The following OSBPL2 variants were observed in gnomAD, a reference collection of about 807,000 sequenced individuals.
The protein encoded by OSBPL2 is oxysterol binding protein like 2.
A neutral mutation model predicts 58.4 loss-of-function variants in OSBPL2; 18 were observed. That is an observed-to-expected ratio of 0.31 (90% CI 0.21 to 0.46). The LOEUF is 0.46. OSBPL2 is among the 20% of genes least tolerant of loss of function. The pLI is 1.00. For missense variants in OSBPL2, 461 were observed against 616.5 expected (o/e 0.75, Z 2.67); for synonymous variants, 221 against 234.1 (o/e 0.94, Z 0.51).
chr20:62,256,138 C>A lies in OSBPL2; in HGVS notation c.-47C>A. On this transcript the variant is annotated 5_prime_UTR_variant, in exon 2 of 14. It introduces an in-frame stop codon into an upstream open reading frame of the 5' UTR. Transcript: ENST00000313733. ...TAGATGTGGATCAGATACGATGATT[C>A]AGTAGAAGAGCACATGTCAGGGGCA... 1 of 1,602,284 alleles carries A rather than the reference C, an allele frequency of 6.2e-7. No homozygotes were observed. Among genetic ancestry groups the A allele is most frequent in the Non-Finnish European group, 8.5e-7 (1 of 1,170,208 alleles).
chr20:62,292,308 G>T (rs576053893), intron 13 of OSBPL2, among the ~76,000 whole-genome samples: 2 of 152,266 alleles, frequency 1.3e-5, no homozygotes, highest in East Asian at 3.9e-4. Context: ...TGGAGGCCAC[G>T]CCTGTCACAC....
At chr20:62,257,235 C>G (rs1334386451) in intron 2 of OSBPL2, among the ~76,000 whole-genome samples, 1 of 152,074 alleles carries the variant, frequency 6.6e-6, no homozygotes, top group Non-Finnish European at 1.5e-5. Flanking sequence ...GGCCACACCC[C>G]GAGGATGTTG....
intron 12 of OSBPL2, chr20:62,291,106 G>A (rs766648505): frequency 1.8e-4 from 30 of 164,922 alleles, no homozygotes; most frequent in Admixed American, 4.4e-4. Context: ...CAAGCGATCC[G>A]CCTGCTTCAG....
intron 1 of OSBPL2, chr20:62,238,856 G>T (rs569116607): frequency 6.6e-6 from 1 of 152,004 alleles, no homozygotes; most frequent in East Asian, 1.9e-4. Flanking sequence ...CCTGGGCCTG[G>T]GTCCCGCGGC....
At chr20:62,260,375 T>C (rs1981218383) in intron 3 of OSBPL2, among the ~76,000 whole-genome samples, 1 of 152,140 alleles carries the variant, frequency 6.6e-6, no homozygotes, top group African/African-American at 2.4e-5. Context: ...AAGAAATGCC[T>C]CTGTTCCCCT....
chr20:62,262,054 C>G (rs775790960), intron 3 of OSBPL2, among the ~76,000 whole-genome samples: 1 of 150,644 alleles, frequency 6.6e-6, no homozygotes, highest in Non-Finnish European at 1.5e-5. Flanking sequence ...ATGCCCAGCC[C>G]AGAGGCACTT....
chr20:62,260,141 T>C lies in OSBPL2; in HGVS notation c.182+16T>C. 3.1e-6 allele frequency: 5 copies of C among 1,610,576 alleles called. No individual in the cohort carries two copies. The highest frequency in any genetic ancestry group is 4.2e-6 in the Non-Finnish European group (5 of 1,177,912). ...AGAAACACAGGTATGTTCTCTCACG[T>C]CTGCTGTTTCTAAAATGTGTCTGTA... On this transcript the variant is annotated intron_variant, in intron 3 of 13. Transcript: ENST00000313733.
At chr20:62,263,866 C>G (rs938176958) in intron 4 of OSBPL2, among the ~76,000 whole-genome samples, 175 bp downstream of exon 4, 13 of 152,054 alleles carry the variant, frequency 8.5e-5, no homozygotes, top group Non-Finnish European at 2.9e-5. Flanking sequence ...GAGATCGAGA[C>G]CATCCTGGCT....
chr20:62,269,177 C>G lies in OSBPL2; in HGVS notation c.259-2948C>G, dbSNP rs1362395469. ...TTGGCCCTGCAAAGTGTTGGAATTA[C>G]AGGCGTGAGCCATCTCGCCTGGCCG... On this transcript the variant is annotated intron_variant, in intron 4 of 13. Coordinates refer to ENST00000313733, the MANE Select transcript of OSBPL2 (RefSeq NM_144498.4). This position sits in a 1 kb window ranked among gnomAD's most constrained non-coding sequence, Gnocchi z 4.2. 6.6e-6 allele frequency among the ~76,000 whole-genome samples: 1 copy of G among 152,192 alleles called. No homozygotes were observed. The highest frequency in any genetic ancestry group is 2.1e-4 in the South Asian group (1 of 4,832).
At chr20:62,289,854 G>A (rs1281262270) in intron 12 of OSBPL2, among the ~76,000 whole-genome samples, 3 of 152,102 alleles carry the variant, frequency 2.0e-5, no homozygotes, top group Non-Finnish European at 2.9e-5. Context: ...GCAGTGAGCC[G>A]AGATTATACC....
intron 1 of OSBPL2, chr20:62,242,213 GT>G (rs1414081068): frequency 6.6e-6 from 1 of 152,122 alleles, no homozygotes; most frequent in Admixed American, 6.5e-5. Context: ...TGGAAGCGTG[GT>G]GGTGTCCCGG....
intron 13 of OSBPL2, among the ~76,000 whole-genome samples, chr20:62,292,546 A>G (rs1983588491): frequency 6.6e-6 from 1 of 152,240 alleles, no homozygotes; most frequent in South Asian, 2.1e-4. Flanking sequence ...TAATAGTCAT[A>G]AGAGAAAAGA....
chr20:62,284,391 C>A, intron 10 of OSBPL2: 1 of 515,336 alleles, frequency 1.9e-6, no homozygotes, highest in Non-Finnish European at 3.5e-6. Context: ...TTTTTTTTCC[C>A]CTCCAGGCAG....
intron 11 of OSBPL2, 94 bp downstream of exon 11, chr20:62,286,805 T>TGCCTGCCGCCTC: frequency 7.1e-7 from 1 of 1,417,358 alleles, no homozygotes; most frequent in Middle Eastern, 2.6e-4. Context: ...CTTGGGCCCT[T>TGCCTGCCGCCTC]GCCTGCCGCC....
intron 1 of OSBPL2, among the ~76,000 whole-genome samples, chr20:62,251,865 CTTTTTTTTTTTTTTTTTTT>C (rs147891445): frequency 2.4e-5 from 1 of 41,738 alleles, no homozygotes; most frequent in Non-Finnish European, 4.0e-5. Context: ...ATTGGTATGC[CTTTTTTTTTTTTTTTTTTT>C]TTTTTTTTTT....
rs1197107191 is a variant in OSBPL2 at position 62,288,035 on chromosome 20, G to C, written c.1126-1172G>C. Among the ~76,000 whole-genome samples, 2 of 152,140 alleles carry C rather than the reference G, an allele frequency of 1.3e-5. No homozygotes were observed. The highest frequency in any genetic ancestry group is 2.9e-5 in the Non-Finnish European group (2 of 68,020). ...TGCTGTGGCTTCAGTCATGGGGTAGGGGTGGGGGTGTCTAGGGATTGCGTT... is the reference window on the plus strand; with the variant it reads ...TGCTGTGGCTTCAGTCATGGGGTAGCGGTGGGGGTGTCTAGGGATTGCGTT... On this transcript the variant is annotated intron_variant, in intron 11 of 13. Coordinates refer to ENST00000313733, the MANE Select transcript of OSBPL2 (RefSeq NM_144498.4). This position sits in a 1 kb window ranked among gnomAD's most constrained non-coding sequence, Gnocchi z 4.8.
intron 6 of OSBPL2, among the ~76,000 whole-genome samples, chr20:62,275,081 C>G (rs1042277452): frequency 6.6e-6 from 1 of 152,096 alleles, no homozygotes; most frequent in Non-Finnish European, 1.5e-5. Flanking sequence ...GCTGGGCTCA[C>G]GCCTGGAATA....
At position 62,293,640 on chromosome 20, in the gene OSBPL2, T is replaced by TG. The variant is rs1403635789; in HGVS notation, c.1341-144dup. On this transcript the variant is annotated intron_variant, in intron 13 of 13. Transcript: ENST00000313733. ...GACCACGTGATCAATAATTCTCCGTTGAAGTTGTTACGCTGGGCTGCATTT... is the reference window on the plus strand; with the variant it reads ...GACCACGTGATCAATAATTCTCCGTTGGAAGTTGTTACGCTGGGCTGCATTT... 1.1e-4 allele frequency: 70 copies of TG among 613,642 alleles called. No homozygotes were observed. In the East Asian group the frequency reaches 2.3e-3, roughly 20 times the overall value. The allele number at this position is 613,642 out of a possible 1,614,324, so 38.0% of individuals were successfully genotyped here. A position where few individuals can be genotyped will look rare whatever the true frequency, so the allele number is the denominator to read the frequency against.
At chr20:62,239,642 G>T (rs987407826) in intron 1 of OSBPL2, among the ~76,000 whole-genome samples, 2 of 152,208 alleles carry the variant, frequency 1.3e-5, no homozygotes, top group Non-Finnish European at 2.9e-5. Context: ...CTGGCTGGGT[G>T]CTGTGCGGCC....
Sources: gnomAD v4.1 joint callset for allele counts (sites outside exome capture counted in the v4.1 genomes callset) on GRCh38, gnomAD v4.1.1 for gene constraint, Gnocchi (gnomAD v3.1) non-coding constraint, MANE v1.5 for transcripts, NCBI Gene and HGNC (gene_info 2026-07-23, HGNC 2026-07-21) for gene names.